The following RBFOX3 variants were observed in gnomAD, a reference collection of about 807,000 sequenced individuals.
RBFOX3 encodes RNA binding protein fox-1 homolog 3.
In RBFOX3, 17 loss-of-function variants were observed where a neutral mutation model predicts 48.7. The ratio of observed to expected loss-of-function variants is 0.35; its 90% CI spans 0.24 to 0.52. RBFOX3 has a LOEUF of 0.52. RBFOX3 is among the 20% of genes least tolerant of loss of function. The pLI is 0.94. For missense variants in RBFOX3, 382 were observed against 497.5 expected, an observed-to-expected ratio of 0.77 and a Z score of 2.21; for synonymous variants, 212 against 209.5, an observed-to-expected ratio of 1.01 and a Z score of -0.10.
chr17:79,400,011 G>T (rs2062587018), intron 2 of RBFOX3, among the ~76,000 whole-genome samples: 1 of 152,160 alleles, frequency 6.6e-6, no homozygotes, highest in South Asian at 2.1e-4. Flanking sequence ...GTGCTGGAGG[G>T]ACAGTGGAGC....
intron 2 of RBFOX3, among the ~76,000 whole-genome samples, chr17:79,416,282 G>C (rs1409966374): frequency 1.3e-5 from 2 of 152,236 alleles, no homozygotes; most frequent in African/African-American, 2.4e-5. Flanking sequence ...ACTGCACCCA[G>C]AGCTCCCTCC....
chr17:79,364,305 C>T lies in RBFOX3; in HGVS notation c.-174-56481G>A, dbSNP rs934073913. On this transcript the variant is annotated intron_variant, in intron 2 of 14. Transcript: ENST00000693108. The surrounding 1 kb of genome is among the most constrained non-coding windows in gnomAD (Gnocchi z 5.1). Reference sequence around the variant, plus strand: ...AATCTCCATTTCCTGTTGTTCCTGGCATGCTGTTTTAGGACAGTCCTGAAC... The same window carrying T: ...AATCTCCATTTCCTGTTGTTCCTGGTATGCTGTTTTAGGACAGTCCTGAAC... Among the ~76,000 whole-genome samples the T allele has an allele frequency of 1.3e-5, 2 of 152,330 alleles. No homozygotes were observed. The highest frequency in any genetic ancestry group is 1.3e-4 in the Admixed American group (2 of 15,298).
chr17:79,382,460 G>A (rs538308982), intron 2 of RBFOX3, among the ~76,000 whole-genome samples: 4 of 152,350 alleles, frequency 2.6e-5, no homozygotes, highest in Non-Finnish European at 4.4e-5. Context: ...TGGGCGGCAC[G>A]TGGTTACTCC....
At position 79,420,684 on chromosome 17, in the gene RBFOX3, C is replaced by T. The variant is rs368565686; in HGVS notation, c.-175+61770G>A. Among the ~76,000 whole-genome samples the T allele has an allele frequency of 3.4e-4, 52 of 152,310 alleles. 1 individual carries two copies. The South Asian group carries it at 0.01, about 30-fold the overall frequency. On this transcript the variant is annotated intron_variant, in intron 2 of 14. Coordinates refer to ENST00000693108, the MANE Select transcript of RBFOX3 (RefSeq NM_001350451.2). ...GCCACTGCTCTGCAGCTGAAGAGCT[C>T]GGCCACCCGAGGGGAGGGTGGAGGA...
At chr17:79,245,905 C>T (rs142490443) in intron 3 of RBFOX3, among the ~76,000 whole-genome samples, 1 of 152,242 alleles carries the variant, frequency 6.6e-6, no homozygotes, top group Non-Finnish European at 1.5e-5. Context: ...GGATTCCAGA[C>T]ATGAGCCACC....
At chr17:79,097,953 G>A (rs1568121649) in intron 9 of RBFOX3, 3 of 593,902 alleles carry the variant, frequency 5.1e-6, no homozygotes, top group East Asian at 5.7e-5. Context: ...CTTCTGCCTG[G>A]GGGTCTGCTA....
chr17:79,173,219 A>ATAC (rs1555730608), intron 4 of RBFOX3, among the ~76,000 whole-genome samples: 22,311 of 150,578 alleles, frequency 0.15, 1,980 homozygotes, highest in African/African-American at 0.26. Flanking sequence ...TAAATAAATA[A>ATAC]ATACATACAT....
At chr17:79,294,887 C>G (rs2074071395) in intron 3 of RBFOX3, among the ~76,000 whole-genome samples, 1 of 152,184 alleles carries the variant, frequency 6.6e-6, no homozygotes, top group Admixed American at 6.5e-5. Context: ...TAATTCGTTT[C>G]CCTCCCAACT....
intron 2 of RBFOX3, among the ~76,000 whole-genome samples, chr17:79,374,878 A>G (rs1335505661): frequency 6.6e-6 from 1 of 152,202 alleles, no homozygotes; most frequent in East Asian, 1.9e-4. Context: ...CTCTATTTCC[A>G]GGCAACATCC....
At chr17:79,177,612 C>A (rs1434678519) in intron 4 of RBFOX3, among the ~76,000 whole-genome samples, 1 of 152,180 alleles carries the variant, frequency 6.6e-6, no homozygotes, top group African/African-American at 2.4e-5. Flanking sequence ...GCCCACCAAG[C>A]CCAGGTCCTC....
At chr17:79,244,806 C>T (rs897045987) in intron 3 of RBFOX3, among the ~76,000 whole-genome samples, 1 of 145,910 alleles carries the variant, frequency 6.9e-6, no homozygotes, top group Non-Finnish European at 1.5e-5. Flanking sequence ...CCTTCCCCCT[C>T]TCCTTTATCC....
chr17:79,161,087 T>C (rs144795687), intron 4 of RBFOX3, among the ~76,000 whole-genome samples: 327 of 152,100 alleles, frequency 2.1e-3, no homozygotes, highest in Non-Finnish European at 3.5e-3. Context: ...CACCAGGAAT[T>C]TGGAGGTTAG....
At chr17:79,568,633 C>G (rs1396952623) in intron 1 of RBFOX3, among the ~76,000 whole-genome samples, 1 of 152,206 alleles carries the variant, frequency 6.6e-6, no homozygotes, top group African/African-American at 2.4e-5. Context: ...CACCCACCCA[C>G]AGCACCCTCG....
At chr17:79,170,140 G>GGAAGGAAGGGAGGAGGAAGGA (rs761172496) in intron 4 of RBFOX3, among the ~76,000 whole-genome samples, 77 of 123,250 alleles carry the variant, frequency 6.2e-4, no homozygotes, top group African/African-American at 3.0e-3. Context: ...GGAGGAAGGA[G>GGAAGGAAGGGAGGAGGAAGGA]GGAAGGAAGG....
At chr17:79,501,297 C>A (rs1306456203) in intron 1 of RBFOX3, among the ~76,000 whole-genome samples, 1 of 152,236 alleles carries the variant, frequency 6.6e-6, no homozygotes, top group Non-Finnish European at 1.5e-5. Flanking sequence ...CGGGCTCAGC[C>A]GCCCTGCCAC....
At chr17:79,326,989 C>T (rs1568047417) in intron 2 of RBFOX3, among the ~76,000 whole-genome samples, 3 of 152,228 alleles carry the variant, frequency 2.0e-5, no homozygotes, top group African/African-American at 7.2e-5. Flanking sequence ...GCACAGCACA[C>T]CAGGAGCCGA....
chr17:79,145,674 G>A (rs895098467), intron 4 of RBFOX3, among the ~76,000 whole-genome samples: 2 of 152,230 alleles, frequency 1.3e-5, no homozygotes, highest in African/African-American at 4.8e-5. Flanking sequence ...CCGCTCTGTG[G>A]TTGTGTTTTT....
intron 2 of RBFOX3, among the ~76,000 whole-genome samples, chr17:79,339,021 T>C (rs1291502106): frequency 6.6e-6 from 1 of 151,938 alleles, no homozygotes; most frequent in Non-Finnish European, 1.5e-5. Flanking sequence ...GAATAGAAAA[T>C]CTATTTACCA....
At chr17:79,116,301 G>A (rs1001164551) in intron 4 of RBFOX3, among the ~76,000 whole-genome samples, 15 of 152,298 alleles carry the variant, frequency 9.8e-5, no homozygotes, top group African/African-American at 3.6e-4. Flanking sequence ...GATCACCTGA[G>A]GTCAGGAGTT....
Sources: gnomAD v4.1 joint callset for allele counts (sites outside exome capture counted in the v4.1 genomes callset) on GRCh38, gnomAD v4.1.1 for gene constraint, Gnocchi (gnomAD v3.1) non-coding constraint, MANE v1.5 for transcripts, NCBI Gene and HGNC (gene_info 2026-07-23, HGNC 2026-07-21) for gene names.